RXFP2: variants seen among roughly 807,000 people sequenced by gnomAD.
The protein encoded by RXFP2 is relaxin receptor 2.
Under a neutral mutation model 88.6 loss-of-function variants are expected in RXFP2, and 68 were observed. The ratio of observed to expected loss-of-function variants is 0.77; its 90% confidence interval spans 0.63 to 0.94. The LOEUF (loss-of-function observed/expected upper bound fraction) is 0.94, where lower values mean the gene tolerates loss of function less well. Among genes scored for constraint, RXFP2 ranks in the 40% least tolerant of loss-of-function variants. The pLI, the probability that RXFP2 is intolerant of heterozygous loss-of-function variation, is 0.00. For missense variants in RXFP2, 791 were observed against 893.9 expected, an observed-to-expected ratio of 0.88 and a Z score of 1.47; for synonymous variants, 329 against 306.8, an observed-to-expected ratio of 1.07 and a Z score of -0.76.
chr13:31,768,615 C>T (rs1872634317), intron 5 of RXFP2, among the ~76,000 whole-genome samples: 1 of 152,132 alleles, frequency 6.6e-6, no homozygotes, highest in Admixed American at 6.6e-5. Context: ...CCACATAGTC[C>T]AGGCTCAGAA....
intron 5 of RXFP2, among the ~76,000 whole-genome samples, chr13:31,772,206 A>G (rs549970394): frequency 5.1e-4 from 78 of 152,324 alleles, no homozygotes; most frequent in Non-Finnish European, 4.9e-4. Context: ...TCTCCTCCTT[A>G]TTGTAACAAA....
chr13:31,766,881 T>G (rs1360474905), intron 5 of RXFP2, among the ~76,000 whole-genome samples: 1 of 152,148 alleles, frequency 6.6e-6, no homozygotes, highest in Admixed American at 6.6e-5. Context: ...TGGATCAATA[T>G]CTGTCAATCC....
chr13:31,789,054 T>A (rs1376171261), intron 13 of RXFP2, 68 bp from the exon 14 acceptor site: 1 of 932,288 alleles, frequency 1.1e-6, no homozygotes, highest in Non-Finnish European at 1.8e-6. Flanking sequence ...ATTTCGGATA[T>A]GATGAAGAAT....
intron 1 of RXFP2, among the ~76,000 whole-genome samples, chr13:31,749,002 A>C (rs1349849100): frequency 6.6e-6 from 1 of 152,192 alleles, no homozygotes; most frequent in Non-Finnish European, 1.5e-5. Context: ...TCTCAAAAAA[A>C]ATAAATACAA....
intron 5 of RXFP2, among the ~76,000 whole-genome samples, chr13:31,770,113 C>T (rs1385858992): frequency 6.6e-6 from 1 of 152,188 alleles, no homozygotes; most frequent in Non-Finnish European, 1.5e-5. Context: ...TAGTTTTGCA[C>T]AGTCTTTCAA....
chr13:31,765,438 T>G (rs1375829761), intron 4 of RXFP2, among the ~76,000 whole-genome samples: 1 of 152,094 alleles, frequency 6.6e-6, no homozygotes, highest in Non-Finnish European at 1.5e-5. Context: ...AATGCTTTTT[T>G]TTTTTGTTTT....
rs1306512184 is a variant in RXFP2 at position 31,801,267 on chromosome 13, C to T, written c.2006-879C>T. Among the ~76,000 whole-genome samples, 6 of 152,104 alleles carry T rather than the reference C, an allele frequency of 3.9e-5. No homozygotes were observed. The Middle Eastern group carries it at 0.01, about 259-fold the overall frequency. On this transcript the variant is annotated intron_variant, in intron 17 of 17. Coordinates refer to ENST00000298386, the MANE Select transcript of RXFP2 (RefSeq NM_130806.5). Reference sequence around the variant, plus strand: ...ATTGTGAAGATGTGAGAGGAAGTAGCGTCCTGTGGTAAGGTTTGAGGATCT... The same window carrying T: ...ATTGTGAAGATGTGAGAGGAAGTAGTGTCCTGTGGTAAGGTTTGAGGATCT...
chr13:31,787,549 T>A (rs759646926), intron 13 of RXFP2, among the ~76,000 whole-genome samples: 2 of 152,266 alleles, frequency 1.3e-5, no homozygotes, highest in East Asian at 1.9e-4. Context: ...AGTCACTACA[T>A]AATGCCTTCC....
chr13:31,759,418 A>AAAGAAAGAAAGC (rs1872175991), intron 2 of RXFP2, among the ~76,000 whole-genome samples: 1 of 150,790 alleles, frequency 6.6e-6, no homozygotes, highest in Non-Finnish European at 1.5e-5. Flanking sequence ...AGAAAGAAAG[A>AAAGAAAGAAAGC]AAGAAAGAAA....
At position 31,791,849 on chromosome 13, in the gene RXFP2, C is replaced by T. The variant is rs769923825; in HGVS notation, c.1189C>T (p.Arg397Ter). The T allele has an allele frequency of 6.2e-6, 10 of 1,614,088 alleles. No individual in the cohort carries two copies. Among genetic ancestry groups the T allele is most frequent in the South Asian group, 4.4e-5 (4 of 91,082 alleles). Residue 397 changes from arginine to a stop codon, truncating the protein, a stop_gained, in exon 15 of 18, where the codon CGA becomes TGA. Transcript: ENST00000298386. LOFTEE classifies it high-confidence loss of function. ...ATACTGCTCCTATGCTCCCCATGTCCGAATATGTATGCCCTTGACGGACGG... is the reference window on the plus strand; with the variant it reads ...ATACTGCTCCTATGCTCCCCATGTCTGAATATGTATGCCCTTGACGGACGG... ...FRYCSYAPHV[R>*]ICMPLTDGIS... is the part of the protein sequence containing the mutation.
intron 16 of RXFP2, among the ~76,000 whole-genome samples, chr13:31,793,432 T>C (rs1873887365): frequency 1.8e-5 from 1 of 54,696 alleles, no homozygotes; most frequent in African/African-American, 5.8e-5. Context: ...ATTTAAACTC[T>C]TTTTTTTTTT....
At chr13:31,753,122 G>A (rs1419295418) in intron 1 of RXFP2, among the ~76,000 whole-genome samples, 1 of 152,176 alleles carries the variant, frequency 6.6e-6, no homozygotes, top group Non-Finnish European at 1.5e-5. Flanking sequence ...CAGAACATCT[G>A]GCTGAGAGGA....
intron 8 of RXFP2, 128 bp from the exon 9 acceptor site, chr13:31,778,384 A>G: frequency 3.0e-6 from 2 of 671,372 alleles, no homozygotes; most frequent in Non-Finnish European, 5.2e-6. Context: ...ATTTTGAAAT[A>G]GCTATATATG....
At chr13:31,766,412 G>A (rs1214966744) in intron 5 of RXFP2, among the ~76,000 whole-genome samples, 2 of 152,062 alleles carry the variant, frequency 1.3e-5, no homozygotes, top group Non-Finnish European at 2.9e-5. Flanking sequence ...GATACATAAT[G>A]ATAGGGTACA....
intron 9 of RXFP2, among the ~76,000 whole-genome samples, chr13:31,779,046 ACT>A (rs1431606364): frequency 6.7e-6 from 1 of 149,486 alleles, no homozygotes; most frequent in African/African-American, 2.5e-5. Context: ...CATCTACAAA[ACT>A]CCACCACACT....
intron 17 of RXFP2, among the ~76,000 whole-genome samples, chr13:31,801,549 C>T (rs1247550714): frequency 6.6e-6 from 1 of 152,088 alleles, no homozygotes; most frequent in Non-Finnish European, 1.5e-5. Context: ...TTCCAAATTT[C>T]ACCTCACAAA....
rs1172974143 is a variant in RXFP2, at chr13:31,797,339, T to C, written c.1925T>C (p.Phe642Ser). 2 of 1,614,056 alleles carry C rather than the reference T, an allele frequency of 1.2e-6. No individual in the cohort carries two copies. Among genetic ancestry groups the C allele is most frequent in the Non-Finnish European group, 1.7e-6 (2 of 1,180,020 alleles). The change falls in exon 17 of 18, where the codon TTT (phenylalanine) becomes TCT (serine). Residue 642 changes from phenylalanine to serine, a missense_variant. By Grantham distance (155) the Phe-to-Ser change is radical. Coordinates refer to ENST00000298386, the MANE Select transcript of RXFP2 (RefSeq NM_130806.5). ...GTGGCTGTTGCAAATCGTTTCTTTT[T>C]TATAGTGTTCTCTGATGCCATCTGC... Reference protein sequence around the residue: ...REVAVANRFFFIVFSDAICWI... With the variant: ...REVAVANRFFSIVFSDAICWI...
chr13:31,758,493 A>G, intron 2 of RXFP2, 89 bp downstream of exon 2: 1 of 1,453,066 alleles, frequency 6.9e-7, no homozygotes, highest in Admixed American at 1.7e-5. Context: ...GTGATAAACT[A>G]GGAAAGCTGA....
chr13:31,762,378 G>C (rs961105700), intron 3 of RXFP2, among the ~76,000 whole-genome samples: 5 of 152,182 alleles, frequency 3.3e-5, no homozygotes, highest in Non-Finnish European at 7.3e-5. Flanking sequence ...GAGCAGAGGA[G>C]CAAGATCAAC....
Sources: allele counts gnomAD v4.1 joint callset (sites outside exome capture counted in the v4.1 genomes callset), GRCh38; gene constraint gnomAD v4.1.1; transcripts MANE v1.5; gene names NCBI Gene and HGNC (gene_info 2026-07-23, HGNC 2026-07-21).